GSDME: variants seen among roughly 807,000 people sequenced by gnomAD.
GSDME encodes the protein gasdermin-E.
A neutral mutation model predicts 47.5 loss-of-function variants in GSDME; 44 were observed. The observed-to-expected ratio is 0.93, with a 90% CI of 0.73 to 1.19. The LOEUF is 1.19. GSDME is among the 50% of genes most tolerant of loss of function. The pLI, the probability that GSDME is intolerant of heterozygous loss-of-function variation, is 0.00. For synonymous variants in GSDME, 258 were observed against 252.8 expected (o/e 1.02, Z -0.20); for missense variants, 663 against 604.2 (o/e 1.10, Z -1.02).
Position 24,715,801 on chromosome 7 carries a change from G to C in GSDME, c.697+1453C>G, listed in dbSNP as rs557760462. On this transcript the variant is annotated intron_variant, in intron 5 of 9. Coordinates refer to ENST00000645220, the MANE Select transcript of GSDME (RefSeq NM_001127453.2). Reference sequence around the variant, plus strand: ...TCTCAGCATTTCTTGGTCCCTGACAGACCTCTTTGACCAACTGCTTCAAAC... The same window carrying C: ...TCTCAGCATTTCTTGGTCCCTGACACACCTCTTTGACCAACTGCTTCAAAC... 6.6e-5 allele frequency among the ~76,000 whole-genome samples: 10 copies of C among 152,308 alleles called. No individual in the cohort carries two copies. In the East Asian group the frequency reaches 7.7e-4, roughly 12 times the overall value.
intron 2 of GSDME, among the ~76,000 whole-genome samples, chr7:24,747,786 A>G (rs1370241237): frequency 1.3e-5 from 2 of 151,552 alleles, no homozygotes. Flanking sequence ...TCCCACCTCA[A>G]CCTCTTGAGT....
chr7:24,776,256 C>CTTCTA, the GSDME span, among the ~76,000 whole-genome samples: 1 of 150,916 alleles, frequency 6.6e-6, no homozygotes, highest in Non-Finnish European at 1.5e-5. Context: ...GTCCAGGCCA[C>CTTCTA]AGTGGACGTG....
chr7:24,701,907 T>A (rs1310178718), intron 9 of GSDME, among the ~76,000 whole-genome samples: 1 of 152,204 alleles, frequency 6.6e-6, no homozygotes, highest in Non-Finnish European at 1.5e-5. Context: ...TACTCGGTGT[T>A]CCCAGAGTAG....
At position 24,756,194 on chromosome 7, in the gene GSDME, G is replaced by C. The variant is rs1320637275; in HGVS notation, c.-20+1202C>G. ...CTTTGGGGAAGTGGAGTGGGTAACA[G>C]AGGGCAGTCTGGGTAAGAATAGAGA... On this transcript the variant is annotated intron_variant, in intron 1 of 9. Transcript: ENST00000645220. This position sits in a 1 kb window ranked among gnomAD's most constrained non-coding sequence, Gnocchi z 4.2. 6.6e-6 allele frequency among the ~76,000 whole-genome samples: 1 copy of C among 152,220 alleles called. No homozygotes were observed. Among genetic ancestry groups the C allele is most frequent in the South Asian group, 2.1e-4 (1 of 4,826 alleles).
Position 24,721,044 on chromosome 7 carries a change from G to T in GSDME, c.405-1826C>A, listed in dbSNP as rs574060151. Among the ~76,000 whole-genome samples the T allele has an allele frequency of 2.6e-5, 4 of 152,188 alleles. No individual in the cohort carries two copies. Among genetic ancestry groups the T allele is most frequent in the Non-Finnish European group, 5.9e-5 (4 of 68,040 alleles). On this transcript the variant is annotated intron_variant, in intron 3 of 9. Transcript: ENST00000645220. The surrounding 1 kb of genome is among the most constrained non-coding windows in gnomAD (Gnocchi z 4.1). ...TCCTCATATGAAATATCTGGAACAG[G>T]CAAATTCATAATGACAGAAAGCAGA... is the stretch of plus-strand genomic sequence containing the variant.
intron 3 of GSDME, among the ~76,000 whole-genome samples, chr7:24,723,851 G>A (rs575013029): frequency 6.6e-6 from 1 of 152,186 alleles, no homozygotes; most frequent in Non-Finnish European, 1.5e-5. Context: ...GTAGATGGAG[G>A]CTGGAAAAGC....
chr7:24,752,358 C>A (rs116604159), intron 1 of GSDME, among the ~76,000 whole-genome samples: 201 of 152,280 alleles, frequency 1.3e-3, no homozygotes, highest in African/African-American at 4.6e-3. Context: ...TCCTGCAGGG[C>A]AGCCAGGGAA....
chr7:24,708,801 A>C (rs1789228796), intron 6 of GSDME, among the ~76,000 whole-genome samples: 1 of 152,170 alleles, frequency 6.6e-6, no homozygotes, highest in Admixed American at 6.5e-5. Context: ...TTGCTTCTTC[A>C]TGAGTCCTCA....
At chr7:24,700,704 G>A (rs776620582) in intron 9 of GSDME, among the ~76,000 whole-genome samples, 1 of 152,176 alleles carries the variant, frequency 6.6e-6, no homozygotes, top group Non-Finnish European at 1.5e-5. Flanking sequence ...CAGGCTTAAC[G>A]TTACCATTAG....
chr7:24,751,110 T>C (rs551177487), intron 1 of GSDME, among the ~76,000 whole-genome samples: 2 of 152,284 alleles, frequency 1.3e-5, no homozygotes, highest in South Asian at 4.1e-4. Flanking sequence ...AATTGTAATA[T>C]TTATGAGAGG....
chr7:24,770,728 G>C, the GSDME span, among the ~76,000 whole-genome samples: 1 of 152,034 alleles, frequency 6.6e-6, no homozygotes, highest in Non-Finnish European at 1.5e-5. The surrounding 1 kb of genome is among the most constrained non-coding windows in gnomAD (Gnocchi z 4.6). Context: ...AAAAATGCTA[G>C]AGATCAAAAA....
chr7:24,717,093 G>T, intron 5 of GSDME, 161 bp downstream of exon 5: 2 of 802,054 alleles, frequency 2.5e-6, no homozygotes, highest in Non-Finnish European at 4.1e-6. Flanking sequence ...CAGCCCATGT[G>T]TCCAGGGACC....
At position 24,710,321 on chromosome 7, in the gene GSDME, C is replaced by T. The variant is rs1328279168; in HGVS notation, c.765G>A (p.Leu255=). ...CAAACTCTCGAAAGACCAGGGGGTC[C>T]AGGTAGACAGAGTCAATTCTCTTCT... is the stretch of plus-strand genomic sequence containing the variant. ...ENKKRIDSVY[L]DPLVFREFAF... Residue 255 remains leucine (L), a synonymous_variant, in exon 6 of 10, where the codon CTG becomes CTA. Coordinates refer to ENST00000645220, the MANE Select transcript of GSDME (RefSeq NM_001127453.2). The T allele has an allele frequency of 9.9e-6, 16 of 1,614,114 alleles. No homozygotes were observed. The highest frequency in any genetic ancestry group is 1.3e-5 in the African/African-American group (1 of 74,930).
chr7:24,760,130 C>T (rs565021285), upstream of GSDME, among the ~76,000 whole-genome samples: 8 of 152,256 alleles, frequency 5.3e-5, no homozygotes, highest in African/African-American at 1.4e-4. This position sits in a 1 kb window ranked among gnomAD's most constrained non-coding sequence, Gnocchi z 4.2. Context: ...CAAAAAGATT[C>T]GTTATATAAA....
intron 9 of GSDME, among the ~76,000 whole-genome samples, chr7:24,699,503 C>G (rs1788773887): frequency 1.3e-5 from 2 of 152,108 alleles, no homozygotes; most frequent in Admixed American, 1.3e-4. Flanking sequence ...CCATGCCCAG[C>G]TAATTTTTGT....
At chr7:24,759,020 C>T (rs59945804), upstream of GSDME, among the ~76,000 whole-genome samples, 13,636 of 152,108 alleles carry the variant, frequency 0.09, 750 homozygotes, top group Non-Finnish European at 0.12. Context: ...CAGTACCCAG[C>T]GCAAAATAAG....
chr7:24,706,442 C>CGAGG, intron 7 of GSDME, 66 bp from the exon 8 acceptor site: 2 of 1,507,408 alleles, frequency 1.3e-6, no homozygotes, highest in Non-Finnish European at 1.8e-6. Context: ...CTGGGGCCTC[C>CGAGG]GCTCACAGTA....
At position 24,745,108 on chromosome 7, in the gene GSDME, C is replaced by T. The variant is rs1584102981; in HGVS notation, c.212-354G>A. 6.6e-6 allele frequency among the ~76,000 whole-genome samples: 1 copy of T among 151,910 alleles called. No individual in the cohort carries two copies. Among genetic ancestry groups the T allele is most frequent in the African/African-American group, 2.4e-5 (1 of 41,364 alleles). Reference sequence around the variant, plus strand: ...TTTCTCTTTCATTGGTTTTCAATCCCAATACGTATAGAAAGGTGCACAGAA... The same window carrying T: ...TTTCTCTTTCATTGGTTTTCAATCCTAATACGTATAGAAAGGTGCACAGAA... On this transcript the variant is annotated intron_variant, in intron 2 of 9. Transcript: ENST00000645220. The surrounding 1 kb of genome is among the most constrained non-coding windows in gnomAD (Gnocchi z 4.4).
rs771190931 is a variant in GSDME at position 24,717,257 on chromosome 7, A to G, written c.694T>C (p.Phe232Leu). Reference protein sequence around the residue: ...IELYVKLDGQFEFCLLRGKQG... With the variant: ...IELYVKLDGQLEFCLLRGKQG... ...ACCCATAGGAGGTGGCACTCACCGA[A>G]CTGGCCGTCCAGTTTCACGTATAAC... The change falls in exon 5 of 10, where the codon TTC becomes CTC. Residue 232 changes from phenylalanine (F) to leucine (L), a missense_variant. By Grantham distance (22) the Phe-to-Leu change is conservative. Transcript: ENST00000645220. The G allele has an allele frequency of 6.4e-7, 1 of 1,560,948 alleles. No individual in the cohort carries two copies. The highest frequency in any genetic ancestry group is 2.4e-5 in the East Asian group (1 of 41,332).
Sources: gnomAD v4.1 joint callset for allele counts (sites outside exome capture counted in the v4.1 genomes callset) on GRCh38, gnomAD v4.1.1 for gene constraint, Gnocchi (gnomAD v3.1) non-coding constraint, MANE v1.5 for transcripts, NCBI Gene and HGNC (gene_info 2026-07-23, HGNC 2026-07-21) for gene names.